Variants in ARHGAP33 observed in about 807,000 individuals in gnomAD.
The protein encoded by ARHGAP33 is rho GTPase-activating protein 33.
A neutral mutation model predicts 126.2 loss-of-function variants in ARHGAP33; 57 were observed. That is an observed-to-expected ratio of 0.45 (90% CI 0.36 to 0.56). The LOEUF (loss-of-function observed/expected upper bound fraction) is 0.56. Ranked by LOEUF, ARHGAP33 falls within the 20% of genes least tolerant of loss-of-function variation. The pLI is 0.00. For synonymous variants in ARHGAP33, 711 were observed against 755.0 expected (o/e 0.94, Z 0.95); for missense variants, 1,500 against 1,748.3 (o/e 0.86, Z 2.53).
At chr19:35,776,252 C>CAGCA (rs1305376957) in intron 1 of ARHGAP33, among the ~76,000 whole-genome samples, 1 of 151,658 alleles carries the variant, frequency 6.6e-6, no homozygotes, top group Non-Finnish European at 1.5e-5. Context: ...CCCAACAGGC[C>CAGCA]AGCACTGTAC....
In ARHGAP33 at chr19:35,786,244, G is replaced by T; in HGVS notation, c.1943-169G>T. 2 of 1,424,156 alleles carry T rather than the reference G, an allele frequency of 1.4e-6. No individual in the cohort carries two copies. The highest frequency in any genetic ancestry group is 1.8e-6 in the Non-Finnish European group (2 of 1,093,776). 88.2% of individuals were successfully genotyped at this position (1,424,156 alleles called of 1,614,324 possible). A position where few individuals can be genotyped will look rare whatever the true frequency, so the allele number is the denominator to read the frequency against. On this transcript the variant is annotated intron_variant, in intron 19 of 20. Coordinates refer to ENST00000007510, the MANE Select transcript of ARHGAP33 (RefSeq NM_001366178.1). The surrounding 1 kb of genome is among the most constrained non-coding windows in gnomAD (Gnocchi z 7.0). Reference sequence around the variant, plus strand: ...GCAGCCACAGGGCCTTCGTGCTTTGGGCCGGAAGTGTCCTCTTCATGGTCT... The same window carrying T: ...GCAGCCACAGGGCCTTCGTGCTTTGTGCCGGAAGTGTCCTCTTCATGGTCT...
chr19:35,784,939 T>C lies in ARHGAP33; in HGVS notation c.1568-14T>C, dbSNP rs1464843073. 6.5e-7 allele frequency: 1 copy of C among 1,532,150 alleles called. No individual in the cohort carries two copies. The highest frequency in any genetic ancestry group is 8.8e-7 in the Non-Finnish European group (1 of 1,142,648). The allele number at this position is 1,532,150 out of a possible 1,614,324, so 94.9% of individuals were successfully genotyped here. On this transcript the variant is annotated splice_polypyrimidine_tract_variant and intron_variant, in intron 16 of 20. Coordinates refer to ENST00000007510, the MANE Select transcript of ARHGAP33 (RefSeq NM_001366178.1). ...CCCCAGAGCTGACAGCTGCCCCCTT[T>C]CCACACTCCCCAGGCCGCTGCCTGC...
intron 1 of ARHGAP33, among the ~76,000 whole-genome samples, chr19:35,776,714 C>G (rs972817586): frequency 2.0e-5 from 3 of 152,230 alleles, no homozygotes; most frequent in African/African-American, 7.2e-5. Context: ...TGGGGCCCTC[C>G]TTCTGGGAGG....
intron 4 of ARHGAP33, 30 bp downstream of exon 4, chr19:35,778,390 G>A (rs1038681371): frequency 1.2e-6 from 2 of 1,614,192 alleles, no homozygotes; most frequent in Non-Finnish European, 1.7e-6. Flanking sequence ...CATCTAGCCT[G>A]AGAGAATGGC....
chr19:35,778,805 CA>C, intron 5 of ARHGAP33: 1 of 922,032 alleles, frequency 1.1e-6, no homozygotes, highest in Non-Finnish European at 1.6e-6. Flanking sequence ...TGGGGAGTTC[CA>C]GGGGGTCCCA....
Position 35,782,816 on chromosome 19 carries a change from C to T in ARHGAP33, c.1368C>T (p.Asn456=). Residue 456 remains asparagine, a synonymous_variant, in exon 15 of 21, where the codon AAC becomes AAT. Transcript: ENST00000007510. This position sits in a 1 kb window ranked among gnomAD's most constrained non-coding sequence, Gnocchi z 4.1. ...HLARMARHSA[N]TSMHARNLAI... ...CCCGCATGGCGAGACACAGTGCCAA[C>T]ACCAGCATGCATGCCCGCAACCTGG... The T allele has an allele frequency of 1.9e-6, 3 of 1,614,022 alleles. No individual in the cohort carries two copies. Among genetic ancestry groups the T allele is most frequent in the Non-Finnish European group, 2.5e-6 (3 of 1,179,934 alleles).
intron 16 of ARHGAP33, 28 bp downstream of exon 16, chr19:35,784,345 G>C: frequency 1.3e-6 from 2 of 1,529,748 alleles, no homozygotes; most frequent in Non-Finnish European, 1.8e-6. Context: ...CTGAGGTCCT[G>C]GCTACTGCCC....
chr19:35,781,098 C>T (rs1354793321), intron 11 of ARHGAP33, 26 bp downstream of exon 11: 1 of 1,610,644 alleles, frequency 6.2e-7, no homozygotes, highest in African/African-American at 1.3e-5. Context: ...ACCCACCCCA[C>T]CCGTCACACC....
chr19:35,780,218 A>G lies in ARHGAP33; in HGVS notation c.509A>G (p.Asn170Ser), dbSNP rs780072460. 6.2e-7 allele frequency: 1 copy of G among 1,613,854 alleles called. No homozygotes were observed. The highest frequency in any genetic ancestry group is 1.7e-5 in the Admixed American group (1 of 60,000). The change falls in exon 7 of 21, where the codon AAT becomes AGT. Residue 170 changes from asparagine to serine, a missense_variant. By Grantham distance (46) the Asn-to-Ser change is conservative. Transcript: ENST00000007510. Reference sequence around the variant, plus strand: ...ATTCCACCTCTATTTCAGCTGGACAATCACGGCCGGCGACTGCTCCTCAGT... The same window carrying G: ...ATTCCACCTCTATTTCAGCTGGACAGTCACGGCCGGCGACTGCTCCTCAGT... Reference protein sequence around the residue: ...GPVLTWMELDNHGRRLLLSEE... With the variant: ...GPVLTWMELDSHGRRLLLSEE...
chr19:35,786,795 C>T lies in ARHGAP33; in HGVS notation c.2325C>T (p.Thr775=). The T allele has an allele frequency of 6.6e-7, 1 of 1,519,262 alleles. No individual in the cohort carries two copies. The highest frequency in any genetic ancestry group is 8.8e-7 in the Non-Finnish European group (1 of 1,136,642). 94.1% of individuals were successfully genotyped at this position (1,519,262 alleles called of 1,614,324 possible). ...APASAFPPRV[T]PQAISPRGPT... ...CCTCTGCCTTCCCACCCAGGGTGAC[C>T]CCCCAGGCCATCTCGCCCCGGGGGC... Residue 775 remains threonine (T), a synonymous_variant, in exon 20 of 21, where the codon ACC becomes ACT. Coordinates refer to ENST00000007510, the MANE Select transcript of ARHGAP33 (RefSeq NM_001366178.1). This position sits in a 1 kb window ranked among gnomAD's most constrained non-coding sequence, Gnocchi z 7.0.
At position 35,787,991 on chromosome 19, in the gene ARHGAP33, C is replaced by T. The variant is rs760259395; in HGVS notation, c.3426C>T (p.Pro1142=). 10 of 1,576,334 alleles carry T rather than the reference C, an allele frequency of 6.3e-6. No individual in the cohort carries two copies. The Admixed American group carries it at 1.4e-4, about 21-fold the overall frequency. ...TCCTGCTCAGCTACCCGCCAGCCCC[C>T]TCCTGCTTTCCCCCTGACCACCTTG... The part of the protein sequence containing the change: ...PDFLLSYPPA[P]SCFPPDHLGY... Residue 1142 remains proline, a synonymous_variant, in exon 21 of 21, where the codon CCC becomes CCT. Transcript: ENST00000007510.
At position 35,787,906 on chromosome 19, in the gene ARHGAP33, G is replaced by A. The variant is rs373372730; in HGVS notation, c.3341G>A (p.Arg1114Lys). Residue 1114 changes from arginine (R) to lysine (K), a missense_variant, in exon 21 of 21, where the codon AGG becomes AAG. By Grantham distance (26) the Arg-to-Lys change is conservative. Coordinates refer to ENST00000007510, the MANE Select transcript of ARHGAP33 (RefSeq NM_001366178.1). ...WSPFRSMPPD[R>K]LNASYGMLGQ... ...CCCTTTCGCTCCATGCCCCCCGACAGGCTCAATGCCTCCTACGGCATGCTT... is the reference window on the plus strand; with the variant it reads ...CCCTTTCGCTCCATGCCCCCCGACAAGCTCAATGCCTCCTACGGCATGCTT... The A allele has an allele frequency of 4.5e-6, 7 of 1,569,262 alleles. No homozygotes were observed. In the African/African-American group the frequency reaches 1.0e-4, roughly 23 times the overall value.
At position 35,786,902 on chromosome 19, in the gene ARHGAP33, TG is replaced by T; in HGVS notation, c.2437del (p.Ala813LeufsTer36). 6.2e-7 allele frequency: 1 copy of T among 1,609,230 alleles called. No homozygotes were observed. On this transcript the variant is annotated frameshift_variant, in exon 20 of 21. Coordinates refer to ENST00000007510, the MANE Select transcript of ARHGAP33 (RefSeq NM_001366178.1). LOFTEE classifies it high-confidence loss of function. This position sits in a 1 kb window ranked among gnomAD's most constrained non-coding sequence, Gnocchi z 7.0. ...GTGCCACCCGCTGTCCTAGAACTGCTGGGGGCTGGGGGAGCACCTGCCTCAG... is the reference window on the plus strand; with the variant it reads ...GTGCCACCCGCTGTCCTAGAACTGCTGGGGCTGGGGGAGCACCTGCCTCAG... ...VSVPPAVLEL[L>X]GAGGAPASAT... is the part of the protein sequence containing the mutation.
At position 35,785,353 on chromosome 19, in the gene ARHGAP33, G is replaced by T. The variant is rs2146740012; in HGVS notation, c.1867+19G>T. The T allele has an allele frequency of 1.2e-6, 2 of 1,613,952 alleles. No homozygotes were observed. The highest frequency in any genetic ancestry group is 3.3e-5 in the Admixed American group (2 of 60,010). On this transcript the variant is annotated intron_variant, in intron 18 of 20. Transcript: ENST00000007510. The stretch of plus-strand genomic sequence containing the variant: ...CCTTCAGGTGAGAGGCTGAGCCATG[G>T]GCTGGTGGGCAGCGATGGTCGCTGG...
intron 5 of ARHGAP33, chr19:35,778,829 C>T: frequency 1.2e-6 from 1 of 813,046 alleles, no homozygotes; most frequent in Non-Finnish European, 1.9e-6. Context: ...GGAGGGTCAC[C>T]ATGGTCATGC....
chr19:35,788,297 G>A lies in ARHGAP33; in HGVS notation c.3732G>A (p.Arg1244=), dbSNP rs200774189. Residue 1244 remains arginine (R), a synonymous_variant, in exon 21 of 21, where the codon AGG becomes AGA. Coordinates refer to ENST00000007510, the MANE Select transcript of ARHGAP33 (RefSeq NM_001366178.1). ...LYRAAPPAYG[R]GGELHRGSLY... Reference sequence around the variant, plus strand: ...GGGCAGCCCCGCCAGCCTACGGAAGGGGGGGCGAGCTCCACCGAGGGTCCT... The same window carrying A: ...GGGCAGCCCCGCCAGCCTACGGAAGAGGGGGCGAGCTCCACCGAGGGTCCT... 4.4e-6 allele frequency: 7 copies of A among 1,608,092 alleles called. No homozygotes were observed. The highest frequency in any genetic ancestry group is 1.1e-5 in the South Asian group (1 of 90,682).
intron 16 of ARHGAP33, 29 bp from the exon 17 acceptor site, chr19:35,784,924 G>A: frequency 6.6e-7 from 1 of 1,522,692 alleles, no homozygotes; most frequent in Non-Finnish European, 8.8e-7. Flanking sequence ...CCCCAGAGCT[G>A]ACAGCTGCCC....
intron 1 of ARHGAP33, among the ~76,000 whole-genome samples, chr19:35,776,709 C>T (rs1421708485): frequency 6.6e-6 from 1 of 152,228 alleles, no homozygotes; most frequent in Non-Finnish European, 1.5e-5. Context: ...CAGTCTGGGG[C>T]CCTCCTTCTG....
rs145771181 is a variant in ARHGAP33, at chr19:35,788,057, G to T, written c.3492G>T (p.Pro1164=). Residue 1164 remains proline, a synonymous_variant, in exon 21 of 21, where the codon CCG becomes CCT. Coordinates refer to ENST00000007510, the MANE Select transcript of ARHGAP33 (RefSeq NM_001366178.1). ...APQHPARRPT[P]PEPLYVNLAL... ...AGCACCCTGCTCGGCGCCCTACACC[G>T]CCTGAGCCCCTCTACGTCAACCTAG... The T allele has an allele frequency of 1.9e-6, 3 of 1,600,686 alleles. No homozygotes were observed. Among genetic ancestry groups the T allele is most frequent in the Middle Eastern group, 1.7e-4 (1 of 6,028 alleles).
Sources: gnomAD v4.1 joint callset for allele counts (sites outside exome capture counted in the v4.1 genomes callset) on GRCh38, gnomAD v4.1.1 for gene constraint, Gnocchi (gnomAD v3.1) non-coding constraint, MANE v1.5 for transcripts, NCBI Gene and HGNC (gene_info 2026-07-23, HGNC 2026-07-21) for gene names.